ZFHX3: variants seen among roughly 807,000 people sequenced by gnomAD.
ZFHX3 encodes zinc finger homeobox protein 3.
Under a neutral mutation model 279.1 loss-of-function variants are expected in ZFHX3, and 42 were observed. That is an observed-to-expected ratio of 0.15 (90% CI 0.12 to 0.19). ZFHX3 has a LOEUF of 0.19. ZFHX3 is among the 10% of genes least tolerant of loss of function. ZFHX3 has a pLI of 1.00. For synonymous variants in ZFHX3, 2,293 were observed against 1,957.8 expected (o/e 1.17, Z -4.52); for missense variants, 4,981 against 4,754.0 (o/e 1.05, Z -1.40).
At chr16:73,141,015 T>C (rs1368081159) in intron 6 of ZFHX3, among the ~76,000 whole-genome samples, 3 of 152,210 alleles carry the variant, frequency 2.0e-5, no homozygotes, top group African/African-American at 4.8e-5. Flanking sequence ...CCCCACCCCA[T>C]AGCATAATCT....
chr16:73,448,244 A>C (rs1173355839), intron 3 of ZFHX3, among the ~76,000 whole-genome samples: 1 of 152,212 alleles, frequency 6.6e-6, no homozygotes. Flanking sequence ...TGAGGTATAC[A>C]AAAGAGATGA....
At chr16:73,202,816 C>G (rs1288081276) in intron 5 of ZFHX3, among the ~76,000 whole-genome samples, 1 of 152,008 alleles carries the variant, frequency 6.6e-6, no homozygotes, top group Non-Finnish European at 1.5e-5. Flanking sequence ...AAGTCATGAC[C>G]ATCCCACCCA....
chr16:72,957,828 GCCGCCCCGGCAGTGTGGC>G lies in ZFHX3; in HGVS notation c.2300_2317del (p.Ser767_Ala773delinsThr). On this transcript the variant is annotated inframe_deletion, in exon 2 of 10. Transcript: ENST00000268489. ...CGCCGCCGCAGCCACCGCCGCCGCC[GCCGCCCCGGCAGTGTGGC>G]TGAAGACCTGCTCCCCCCCTCCATT... 6.2e-7 allele frequency: 1 copy of G among 1,610,790 alleles called. No individual in the cohort carries two copies. The highest frequency in any genetic ancestry group is 8.5e-7 in the Non-Finnish European group (1 of 1,178,410).
At chr16:73,746,809 C>T (rs572904813) in intron 1 of ZFHX3, among the ~76,000 whole-genome samples, 1 of 152,246 alleles carries the variant, frequency 6.6e-6, no homozygotes, top group Non-Finnish European at 1.5e-5. Context: ...ACCAAAATCT[C>T]CCATATATTT....
At position 72,816,110 on chromosome 16, in the gene ZFHX3, TTGCC is replaced by T. The variant is rs377287932; in HGVS notation, c.3530-4076_3530-4073del. Reference sequence around the variant, plus strand: ...AAAAAAGACTAGAAGAAAATGATCATTGCCTTTAGGTGATGACATCATGGAACAC... The same window carrying T: ...AAAAAAGACTAGAAGAAAATGATCATTTTAGGTGATGACATCATGGAACAC... On this transcript the variant is annotated intron_variant, in intron 5 of 9. Transcript: ENST00000268489. Among the ~76,000 whole-genome samples, 591 of 152,212 alleles carry T rather than the reference TTGCC, an allele frequency of 3.9e-3. 9 individuals carry two copies. Among genetic ancestry groups the T allele is most frequent in the African/African-American group, 0.013 (539 of 41,566 alleles).
At chr16:72,920,528 G>GA (rs562355605) in intron 3 of ZFHX3, among the ~76,000 whole-genome samples, 12 of 146,250 alleles carry the variant, frequency 8.2e-5, no homozygotes, top group African/African-American at 1.0e-4. Flanking sequence ...AAAAATACAA[G>GA]AAAAAAAAAA....
intron 1 of ZFHX3, among the ~76,000 whole-genome samples, chr16:73,741,565 G>A (rs2053658013): frequency 6.6e-6 from 1 of 152,146 alleles, no homozygotes; most frequent in Non-Finnish European, 1.5e-5. Flanking sequence ...AGCAGCTCTG[G>A]GCAGCCAGGA....
chr16:73,156,858 C>T (rs1463774659), intron 5 of ZFHX3, among the ~76,000 whole-genome samples: 2 of 152,066 alleles, frequency 1.3e-5, no homozygotes, highest in Non-Finnish European at 2.9e-5. Context: ...GGATTACAGG[C>T]ACGTGCCGCC....
At chr16:73,868,459 G>C (rs894562652) in intron 1 of ZFHX3, among the ~76,000 whole-genome samples, 6 of 152,242 alleles carry the variant, frequency 3.9e-5, no homozygotes, top group Admixed American at 3.9e-4. Flanking sequence ...GGGAGGCAGA[G>C]GTTGCAGTGA....
intron 5 of ZFHX3, among the ~76,000 whole-genome samples, chr16:73,255,596 C>T (rs540143650): frequency 6.6e-6 from 1 of 152,234 alleles, no homozygotes; most frequent in South Asian, 2.1e-4. Context: ...CTGCTGAAGC[C>T]CTGGAGAAGA....
intron 1 of ZFHX3, among the ~76,000 whole-genome samples, chr16:73,680,858 C>G (rs2053003171): frequency 6.6e-6 from 1 of 152,128 alleles, no homozygotes; most frequent in African/African-American, 2.4e-5. Flanking sequence ...GGGTAAGTGC[C>G]TTAGATATTG....
chr16:73,427,516 C>T (rs1293154773), intron 3 of ZFHX3, among the ~76,000 whole-genome samples: 1 of 152,194 alleles, frequency 6.6e-6, no homozygotes, highest in African/African-American at 2.4e-5. Context: ...AAAGGCCATG[C>T]TCATTTCCAA....
At chr16:72,960,298 C>G (rs1961513516) in intron 1 of ZFHX3, 104 bp from the exon 2 acceptor site, 1 of 890,326 alleles carries the variant, frequency 1.1e-6, no homozygotes, top group Non-Finnish European at 1.6e-6. Flanking sequence ...ACGGAGCGCT[C>G]TAAGAGGCTT....
At chr16:73,561,210 T>C (rs1365261302) in intron 2 of ZFHX3, among the ~76,000 whole-genome samples, 2 of 152,192 alleles carry the variant, frequency 1.3e-5, no homozygotes, top group Non-Finnish European at 2.9e-5. Context: ...GAGACTGAAA[T>C]TCTAGAATTT....
exon 1 of ZFHX3, chr16:73,059,378 A>ACACACGAGCGCGCG (rs1567654576): frequency 1.1e-4 from 12 of 110,590 alleles, no homozygotes; most frequent in African/African-American, 4.1e-4. Context: ...GCGCGCACAC[A>ACACACGAGCGCGCG]CACACACACA....
At chr16:73,588,609 G>T (rs1597014134) in intron 2 of ZFHX3, among the ~76,000 whole-genome samples, 3 of 150,920 alleles carry the variant, frequency 2.0e-5, no homozygotes, top group South Asian at 4.2e-4. Flanking sequence ...AGAATAGTGT[G>T]AACCTGGGAG....
At chr16:72,988,274 T>C (rs922063649) in intron 1 of ZFHX3, among the ~76,000 whole-genome samples, 1 of 152,132 alleles carries the variant, frequency 6.6e-6, no homozygotes, top group African/African-American at 2.4e-5. Context: ...CCTGAAAGGC[T>C]CATAAGCACA....
At chr16:73,480,135 C>A (rs1191482525) in intron 2 of ZFHX3, among the ~76,000 whole-genome samples, 3 of 151,858 alleles carry the variant, frequency 2.0e-5, no homozygotes, top group African/African-American at 4.8e-5. Context: ...CAGATTAAAT[C>A]GTCCTGGCTT....
At chr16:73,747,134 A>T (rs1194872612) in intron 1 of ZFHX3, among the ~76,000 whole-genome samples, 3 of 152,186 alleles carry the variant, frequency 2.0e-5, no homozygotes, top group Non-Finnish European at 4.4e-5. Context: ...CACACTTGTA[A>T]TCCCAACACT....
Sources: gnomAD v4.1 joint callset for allele counts (sites outside exome capture counted in the v4.1 genomes callset) on GRCh38, gnomAD v4.1.1 for gene constraint, MANE v1.5 for transcripts, NCBI Gene and HGNC (gene_info 2026-07-23, HGNC 2026-07-21) for gene names.